The following METTL16 variants were observed in gnomAD, a reference collection of about 807,000 sequenced individuals.
METTL16 encodes the protein RNA N(6)-adenosine-methyltransferase METTL16.
METTL16 carries 19 observed loss-of-function variants against 57.9 expected under a neutral mutation model. That is an observed-to-expected ratio of 0.33 (90% CI 0.23 to 0.48). The LOEUF is 0.48. Among genes scored for constraint, METTL16 ranks in the 20% least tolerant of loss-of-function variants. The probability of loss-of-function intolerance (pLI) is 0.99; values close to 1 mark genes in which losing one functional copy is unlikely to be tolerated. For synonymous variants in METTL16, 246 were observed against 255.6 expected (o/e 0.96, Z 0.36); for missense variants, 434 against 691.5 (o/e 0.63, Z 4.18).
intron 2 of METTL16, among the ~76,000 whole-genome samples, chr17:2,478,265 T>C (rs2067280883): frequency 3.9e-5 from 6 of 152,240 alleles, no homozygotes; most frequent in Admixed American, 3.3e-4. Flanking sequence ...TGAGATGACC[T>C]GAGAAGTACT....
intron 6 of METTL16, among the ~76,000 whole-genome samples, chr17:2,450,325 C>T (rs2067059312): frequency 6.6e-6 from 1 of 152,282 alleles, no homozygotes; most frequent in Non-Finnish European, 1.5e-5. Context: ...TATGCTGCTA[C>T]GTGAAAGAAA....
chr17:2,463,799 A>G (rs1036858142), intron 6 of METTL16, among the ~76,000 whole-genome samples: 4 of 151,952 alleles, frequency 2.6e-5, no homozygotes, highest in African/African-American at 9.7e-5. Flanking sequence ...CACTAGGATT[A>G]CTTTTGCTCT....
At chr17:2,441,643 G>C (rs980565725) in intron 6 of METTL16, 84 bp from the exon 7 acceptor site, 1 of 763,584 alleles carries the variant, frequency 1.3e-6, no homozygotes, top group East Asian at 3.2e-5. Flanking sequence ...AATAAGATGA[G>C]AACAGTAACA....
At chr17:2,473,741 C>T in intron 3 of METTL16, 77 bp from the exon 4 acceptor site, 2 of 1,451,196 alleles carry the variant, frequency 1.4e-6, no homozygotes, top group Non-Finnish European at 1.9e-6. Context: ...CACCATTCTT[C>T]TCAGAATTCT....
chr17:2,483,245 T>C (rs7213126), intron 2 of METTL16, among the ~76,000 whole-genome samples: 26,652 of 151,772 alleles, frequency 0.18, 3,077 homozygotes, highest in African/African-American at 0.33. Flanking sequence ...AAAATGAAAA[T>C]AGGAGTTATT....
intron 8 of METTL16, among the ~76,000 whole-genome samples, chr17:2,425,607 CACAA>C (rs886415615): frequency 2.0e-4 from 30 of 151,900 alleles, no homozygotes; most frequent in Admixed American, 1.3e-3. Flanking sequence ...ATCAATCAGG[CACAA>C]ACAAACAAAC....
chr17:2,466,202 A>C (rs868714381), intron 5 of METTL16, among the ~76,000 whole-genome samples: 7,792 of 151,508 alleles, frequency 0.051, 268 homozygotes, highest in African/African-American at 0.077. Context: ...ACAAAAAAAA[A>C]AAAAAAAAAA....
intron 1 of METTL16, among the ~76,000 whole-genome samples, chr17:2,508,246 T>C (rs2067562506): frequency 6.6e-6 from 1 of 152,226 alleles, no homozygotes; most frequent in African/African-American, 2.4e-5. Flanking sequence ...CTATTTCAGA[T>C]GGTTTTTTGA....
chr17:2,465,272 G>C (rs375003954), intron 5 of METTL16, among the ~76,000 whole-genome samples: 1 of 151,962 alleles, frequency 6.6e-6, no homozygotes. Flanking sequence ...GGCCGGGCGC[G>C]GTGGCTCATG....
intron 2 of METTL16, among the ~76,000 whole-genome samples, chr17:2,492,104 G>A (rs766403681): frequency 1.6e-4 from 23 of 146,778 alleles, no homozygotes; most frequent in Admixed American, 5.5e-4. Context: ...CCAGCTACTC[G>A]GGAGGCTGAG....
chr17:2,510,294 T>A (rs570651836), intron 1 of METTL16, among the ~76,000 whole-genome samples: 120 of 152,312 alleles, frequency 7.9e-4, no homozygotes, highest in African/African-American at 2.8e-3. Flanking sequence ...TATCTATGTA[T>A]TGGTAACATT....
At chr17:2,507,326 T>C (rs1351515338) in intron 1 of METTL16, among the ~76,000 whole-genome samples, 1 of 103,680 alleles carries the variant, frequency 9.6e-6, no homozygotes, top group Non-Finnish European at 1.9e-5. Flanking sequence ...AGGAGGGAGG[T>C]GGGGGGGTCA....
chr17:2,460,248 C>T (rs1037707532), intron 6 of METTL16: 7 of 152,080 alleles, frequency 4.6e-5, no homozygotes, highest in Middle Eastern at 3.2e-3. Context: ...TTAAATAAAT[C>T]CTAAAGGGCA....
intron 5 of METTL16, among the ~76,000 whole-genome samples, chr17:2,465,439 C>T (rs1293194308): frequency 1.4e-5 from 2 of 145,018 alleles, no homozygotes; most frequent in Admixed American, 7.1e-5. Context: ...CCCAGCTACT[C>T]GGGGGGCTGA....
In METTL16 at chr17:2,418,150, T is replaced by TTGTCTG. The variant is rs58928048; in HGVS notation, c.*1814_*1819dup. The TTGTCTG allele has an allele frequency of 0.36, 54,432 of 151,188 alleles. 11,175 individuals are homozygous for TTGTCTG. The highest frequency in any genetic ancestry group is 0.65 in the East Asian group (3,306 of 5,094). The allele number at this position is 151,188 out of a possible 1,614,324, so 9.4% of individuals were successfully genotyped here. ...AATCCTTAGTGGGTTATTGACCCCT[T>TTGTCTG]TGTCTGTGTCTGAGGGTTCTGGGAA... On this transcript the variant is annotated 3_prime_UTR_variant, in exon 10 of 10. Coordinates refer to ENST00000263092, the MANE Select transcript of METTL16 (RefSeq NM_024086.4).
chr17:2,503,821 G>A (rs1432280430), intron 1 of METTL16, among the ~76,000 whole-genome samples: 3 of 149,626 alleles, frequency 2.0e-5, no homozygotes, highest in Non-Finnish European at 3.0e-5. Flanking sequence ...AACAAAATAC[G>A]GTATATCCAC....
chr17:2,499,265 T>C (rs2067469581), intron 2 of METTL16, among the ~76,000 whole-genome samples: 1 of 151,642 alleles, frequency 6.6e-6, no homozygotes, highest in Non-Finnish European at 1.5e-5. Flanking sequence ...CAATAGGTTT[T>C]TGTTAAATAG....
At chr17:2,493,113 T>C (rs2067413121) in intron 2 of METTL16, among the ~76,000 whole-genome samples, 1 of 150,496 alleles carries the variant, frequency 6.6e-6, no homozygotes, top group Admixed American at 6.7e-5. Context: ...GTTGAGTTTA[T>C]ATTTTGGTGA....
intron 4 of METTL16, among the ~76,000 whole-genome samples, chr17:2,471,064 C>T (rs1488748371): frequency 6.6e-6 from 1 of 152,184 alleles, no homozygotes; most frequent in Non-Finnish European, 1.5e-5. Context: ...CTGATACTGG[C>T]ACATCACTTG....
Sources: gnomAD v4.1 joint callset for allele counts (sites outside exome capture counted in the v4.1 genomes callset) on GRCh38, gnomAD v4.1.1 for gene constraint, MANE v1.5 for transcripts, NCBI Gene and HGNC (gene_info 2026-07-23, HGNC 2026-07-21) for gene names.